SYN3: variants seen among roughly 807,000 people sequenced by gnomAD.
SYN3 encodes the protein synapsin III.
In SYN3, 35 loss-of-function variants were observed where a neutral mutation model predicts 65.8. The ratio of observed to expected loss-of-function variants is 0.53; its 90% CI spans 0.41 to 0.70. The LOEUF (loss-of-function observed/expected upper bound fraction) is 0.70. SYN3 is among the 30% of genes least tolerant of loss of function. The pLI, the probability that SYN3 is intolerant of heterozygous loss-of-function variation, is 0.00. For synonymous variants in SYN3, 270 were observed against 292.9 expected, an observed-to-expected ratio of 0.92 and a Z score of 0.80; for missense variants, 680 against 749.0, an observed-to-expected ratio of 0.91 and a Z score of 1.08.
intron 6 of SYN3, among the ~76,000 whole-genome samples, chr22:32,687,783 T>C (rs1443732008): frequency 6.6e-6 from 1 of 152,200 alleles, no homozygotes; most frequent in African/African-American, 2.4e-5. Context: ...GCATTCTCTG[T>C]TCACATCTCT....
intron 3 of SYN3, among the ~76,000 whole-genome samples, chr22:32,936,518 A>C (rs1387868738): frequency 6.9e-6 from 1 of 144,098 alleles, no homozygotes; most frequent in Admixed American, 6.9e-5. Flanking sequence ...AACAAACAAA[A>C]AACCTCACAA....
At chr22:33,038,356 T>G (rs1409813478) in intron 1 of SYN3, among the ~76,000 whole-genome samples, 1 of 152,202 alleles carries the variant, frequency 6.6e-6, no homozygotes, top group Non-Finnish European at 1.5e-5. Flanking sequence ...GGATTACTGC[T>G]GCGGCGCTGC....
intron 2 of SYN3, among the ~76,000 whole-genome samples, chr22:32,983,102 C>A (rs1176182629): frequency 6.6e-6 from 1 of 152,168 alleles, no homozygotes; most frequent in African/African-American, 2.4e-5. Context: ...ACTAATAGTT[C>A]TTGGTGACTT....
At chr22:32,814,780 G>A (rs923420066) in intron 6 of SYN3, among the ~76,000 whole-genome samples, 11 of 152,042 alleles carry the variant, frequency 7.2e-5, no homozygotes, top group African/African-American at 2.2e-4. Context: ...GCTCACAAGC[G>A]GGGAGACAGA....
chr22:32,874,363 A>C (rs913733191), intron 4 of SYN3, among the ~76,000 whole-genome samples: 1 of 152,192 alleles, frequency 6.6e-6, no homozygotes, highest in Non-Finnish European at 1.5e-5. Context: ...TCCTGATCCC[A>C]AGTCTTTCTC....
At chr22:33,009,788 ACAC>A (rs1476137102) in intron 1 of SYN3, among the ~76,000 whole-genome samples, 8 of 143,034 alleles carry the variant, frequency 5.6e-5, no homozygotes, top group Middle Eastern at 3.7e-3. Context: ...ACACACACAC[ACAC>A]ACTTATATAT....
chr22:32,567,151 G>A (rs2058682304), intron 7 of SYN3, among the ~76,000 whole-genome samples: 1 of 152,154 alleles, frequency 6.6e-6, no homozygotes, highest in Non-Finnish European at 1.5e-5. Context: ...GACCCACTAG[G>A]GCCCTGCTGG....
intron 6 of SYN3, among the ~76,000 whole-genome samples, chr22:32,646,447 G>C (rs2146921056): frequency 6.6e-6 from 1 of 152,324 alleles, no homozygotes; most frequent in East Asian, 1.9e-4. Context: ...AAGGTGGATG[G>C]AGAACCTGAC....
intron 4 of SYN3, among the ~76,000 whole-genome samples, chr22:32,892,051 T>C (rs563186587): frequency 6.6e-6 from 1 of 152,046 alleles, no homozygotes; most frequent in South Asian, 2.1e-4. Flanking sequence ...TCCTAGCACT[T>C]TGGGAGACCG....
At chr22:32,777,312 G>T (rs61561058) in intron 6 of SYN3, among the ~76,000 whole-genome samples, 6,733 of 152,148 alleles carry the variant, frequency 0.044, 476 homozygotes, top group African/African-American at 0.15. Context: ...CTGGTTGGGA[G>T]AATCCTAAAA....
chr22:32,922,917 C>T (rs2050371953), intron 4 of SYN3, among the ~76,000 whole-genome samples: 1 of 152,174 alleles, frequency 6.6e-6, no homozygotes, highest in Non-Finnish European at 1.5e-5. Flanking sequence ...CAATGATCTT[C>T]TCTGCCATCC....
intron 2 of SYN3, among the ~76,000 whole-genome samples, chr22:33,000,941 G>A (rs188577720): frequency 3.9e-5 from 6 of 152,294 alleles, no homozygotes; most frequent in South Asian, 2.1e-4. Context: ...GGACAGGACC[G>A]AGACTCTAAG....
intron 4 of SYN3, among the ~76,000 whole-genome samples, chr22:32,870,986 A>G (rs974287689): frequency 6.6e-6 from 1 of 152,212 alleles, no homozygotes; most frequent in African/African-American, 2.4e-5. Context: ...GTGCATCTTA[A>G]AAAACAACAC....
chr22:32,677,962 G>A (rs914347511), intron 6 of SYN3, among the ~76,000 whole-genome samples: 2 of 152,314 alleles, frequency 1.3e-5, no homozygotes, highest in South Asian at 4.1e-4. Context: ...CAAAGGTAAG[G>A]AGATGTAAAT....
intron 3 of SYN3, among the ~76,000 whole-genome samples, chr22:32,932,300 T>TG (rs2050654254): frequency 6.7e-6 from 1 of 149,236 alleles, no homozygotes. Flanking sequence ...TCCATCCATC[T>TG]GGTTACAGCA....
chr22:32,817,071 A>AG (rs1247497076), intron 6 of SYN3, among the ~76,000 whole-genome samples: 2 of 151,238 alleles, frequency 1.3e-5, no homozygotes, highest in Non-Finnish European at 2.9e-5. Flanking sequence ...TTAAAAAAAA[A>AG]AAAAAGAAAA....
intron 6 of SYN3, among the ~76,000 whole-genome samples, chr22:32,788,356 A>G (rs2046242839): frequency 6.6e-6 from 1 of 152,150 alleles, no homozygotes; most frequent in Non-Finnish European, 1.5e-5. Flanking sequence ...ACTGGCCAAC[A>G]TGATGAAACC....
At chr22:32,968,623 G>A (rs977840375) in intron 3 of SYN3, among the ~76,000 whole-genome samples, 1 of 152,080 alleles carries the variant, frequency 6.6e-6, no homozygotes, top group African/African-American at 2.4e-5. Flanking sequence ...TGCCCTGTAC[G>A]TGACAAGCTG....
chr22:32,726,299 C>T (rs768859608), intron 6 of SYN3, among the ~76,000 whole-genome samples: 18 of 152,290 alleles, frequency 1.2e-4, no homozygotes, highest in South Asian at 2.1e-4. Flanking sequence ...TACGCCACCA[C>T]GCCCAGCTAA....
Sources: gnomAD v4.1 joint callset for allele counts (sites outside exome capture counted in the v4.1 genomes callset) on GRCh38, gnomAD v4.1.1 for gene constraint, MANE v1.5 for transcripts, NCBI Gene and HGNC (gene_info 2026-07-23, HGNC 2026-07-21) for gene names.